Variants in FOXO1 observed in about 807,000 individuals in gnomAD.
The protein encoded by FOXO1 is forkhead box protein O1.
In FOXO1, 6 loss-of-function variants were observed where a neutral mutation model predicts 44.1. The observed-to-expected ratio is 0.14, with a 90% CI of 0.07 to 0.27. The LOEUF is 0.27. FOXO1 is among the 10% of genes least tolerant of loss of function. The pLI is 1.00. For synonymous variants in FOXO1, 380 were observed against 362.7 expected, an observed-to-expected ratio of 1.05 and a Z score of -0.54; for missense variants, 737 against 888.8, an observed-to-expected ratio of 0.83 and a Z score of 2.17.
chr13:40,654,322 TAAAAAA>T (rs11344939), intron 1 of FOXO1, among the ~76,000 whole-genome samples: 9 of 48,198 alleles, frequency 1.9e-4, no homozygotes, highest in East Asian at 9.0e-4. Context: ...CTAAAAATAC[TAAAAAA>T]AAAAAAAAAA....
At chr13:40,577,653 T>C (rs1874809549) in intron 1 of FOXO1, among the ~76,000 whole-genome samples, 1 of 152,216 alleles carries the variant, frequency 6.6e-6, no homozygotes, top group African/African-American at 2.4e-5. Context: ...ACTAGGATCA[T>C]TTTATTCTCC....
intron 1 of FOXO1, among the ~76,000 whole-genome samples, chr13:40,613,603 T>C (rs1429241419): frequency 2.0e-5 from 3 of 152,060 alleles, no homozygotes; most frequent in Admixed American, 6.6e-5. Context: ...GTACAGGGAG[T>C]GTGGCCAAGT....
chr13:40,611,648 G>A (rs1333011336), intron 1 of FOXO1, among the ~76,000 whole-genome samples: 2 of 152,162 alleles, frequency 1.3e-5, no homozygotes, highest in Non-Finnish European at 2.9e-5. Context: ...GCATGATAGG[G>A]AAAGAACACA....
At chr13:40,617,840 T>C (rs954321404) in intron 1 of FOXO1, among the ~76,000 whole-genome samples, 22 of 152,238 alleles carry the variant, frequency 1.4e-4, no homozygotes, top group African/African-American at 5.1e-4. Context: ...GTACATTGTT[T>C]GTAATACAAC....
At chr13:40,643,347 G>GAAAAAAAAAAAAAAAAAAAAAAAAAA (rs71727126) in intron 1 of FOXO1, among the ~76,000 whole-genome samples, 1 of 91,406 alleles carries the variant, frequency 1.1e-5, no homozygotes, top group African/African-American at 4.2e-5. Flanking sequence ...GTCTCAAAAA[G>GAAAAAAAAAAAAAAAAAAAAAAAAAA]AAAAAAAAAA....
At chr13:40,647,105 A>G (rs1877535580) in intron 1 of FOXO1, among the ~76,000 whole-genome samples, 2 of 152,212 alleles carry the variant, frequency 1.3e-5, no homozygotes, top group Non-Finnish European at 2.9e-5. Flanking sequence ...CTACATTAGT[A>G]AAGTATCTGT....
At chr13:40,619,616 G>A in intron 1 of FOXO1, 1 of 1,541,388 alleles carries the variant, frequency 6.5e-7, no homozygotes, top group Non-Finnish European at 8.9e-7. Context: ...AGGTCATCTA[G>A]TCCTGTGGCT....
chr13:40,609,477 A>G (rs1390616529), intron 1 of FOXO1, among the ~76,000 whole-genome samples: 1 of 152,160 alleles, frequency 6.6e-6, no homozygotes, highest in Non-Finnish European at 1.5e-5. Flanking sequence ...AACCATAGAA[A>G]ATACAGGTTT....
intron 1 of FOXO1, among the ~76,000 whole-genome samples, chr13:40,608,009 T>G (rs1876083152): frequency 6.8e-6 from 1 of 147,606 alleles, no homozygotes; most frequent in Admixed American, 6.8e-5. Flanking sequence ...GTAACATGTC[T>G]CTCATGGTGT....
intron 1 of FOXO1, among the ~76,000 whole-genome samples, chr13:40,561,747 T>C (rs1004465625): frequency 6.6e-5 from 10 of 152,044 alleles, no homozygotes; most frequent in Non-Finnish European, 1.0e-4. Context: ...GGCAGGCAGA[T>C]CACCTGAGGT....
At chr13:40,566,140 T>C (rs112025011) in intron 1 of FOXO1, among the ~76,000 whole-genome samples, 5 of 152,274 alleles carry the variant, frequency 3.3e-5, no homozygotes, top group East Asian at 3.9e-4. Flanking sequence ...ACAGCCAGCA[T>C]GTGCAGAGCA....
Position 40,666,091 on chromosome 13 carries a change from C to A in FOXO1, c.122G>T (p.Ser41Ile), listed in dbSNP as rs1279773350. ...EFSQSNSATS[S>I]PAPSGSAAAN... The stretch of plus-strand genomic sequence containing the variant: ...AGCCGCGCTGCCCGACGGCGCCGGG[C>A]TGGAGGTGGCCGAGTTGGACTGGCT... The change falls in exon 1 of 3, where the codon AGC becomes ATC. Residue 41 changes from serine (S) to isoleucine (I), a missense_variant. Physicochemically the swap from Ser to Ile is moderately radical, Grantham distance 142. This residue lies in a region of FOXO1 where 213 missense variants were observed against 236.4 expected (regional missense o/e 0.90). Coordinates refer to ENST00000379561, the MANE Select transcript of FOXO1 (RefSeq NM_002015.4). 7 of 1,385,098 alleles carry A rather than the reference C, an allele frequency of 5.1e-6. No individual in the cohort carries two copies. The highest frequency in any genetic ancestry group is 4.7e-5 in the South Asian group (3 of 64,474). 85.8% of individuals were successfully genotyped at this position (1,385,098 alleles called of 1,614,324 possible). A position where few individuals can be genotyped will look rare whatever the true frequency, so the allele number is the denominator to read the frequency against.
Position 40,560,774 on chromosome 13 carries a change from G to C in FOXO1, c.717C>G (p.Leu239=). The C allele has an allele frequency of 6.2e-7, 1 of 1,613,972 alleles. No homozygotes were observed. Among genetic ancestry groups the C allele is most frequent in the Non-Finnish European group, 8.5e-7 (1 of 1,179,984 alleles). The change falls in exon 2 of 3, where the codon CTC becomes CTG. Residue 239 remains leucine (L), a synonymous_variant. Coordinates refer to ENST00000379561, the MANE Select transcript of FOXO1 (RefSeq NM_002015.4). The surrounding 1 kb of genome is among the most constrained non-coding windows in gnomAD (Gnocchi z 5.1). ...TCCCGCTCTTGCCACCCTCTGGATT[G>C]AGCATCCACCAAGAACTTTTTCCAG... is the stretch of plus-strand genomic sequence containing the variant. ...EGTGKSSWWM[L]NPEGGKSGKS... is the part of the protein sequence containing the mutation.
At chr13:40,598,909 A>AT (rs1311592419) in intron 1 of FOXO1, among the ~76,000 whole-genome samples, 39 of 152,234 alleles carry the variant, frequency 2.6e-4, no homozygotes, top group African/African-American at 9.2e-4. Context: ...TTCCTTAGTC[A>AT]TATGTCTTCC....
At chr13:40,617,484 A>G (rs1303945741) in intron 1 of FOXO1, among the ~76,000 whole-genome samples, 2 of 152,154 alleles carry the variant, frequency 1.3e-5, no homozygotes, top group African/African-American at 4.8e-5. Context: ...GTTTACTACT[A>G]AAAGAGAGAA....
chr13:40,591,509 G>T (rs2137865656), intron 1 of FOXO1, among the ~76,000 whole-genome samples: 1 of 152,274 alleles, frequency 6.6e-6, no homozygotes, highest in East Asian at 1.9e-4. Flanking sequence ...GAAACCTGGT[G>T]CCATACTTAC....
chr13:40,576,783 T>C (rs1874763524), intron 1 of FOXO1, among the ~76,000 whole-genome samples: 1 of 152,222 alleles, frequency 6.6e-6, no homozygotes, highest in Non-Finnish European at 1.5e-5. Flanking sequence ...GCCAGGACCA[T>C]TTGTTTTGAA....
intron 1 of FOXO1, among the ~76,000 whole-genome samples, chr13:40,638,589 G>A (rs1228636936): frequency 6.6e-6 from 1 of 152,114 alleles, no homozygotes; most frequent in Non-Finnish European, 1.5e-5. Flanking sequence ...ACCTGTTAAG[G>A]GGGGAATCAA....
chr13:40,634,139 G>T (rs1877064298), intron 1 of FOXO1, among the ~76,000 whole-genome samples: 1 of 152,134 alleles, frequency 6.6e-6, no homozygotes, highest in African/African-American at 2.4e-5. Flanking sequence ...ATATGACAGG[G>T]TACCAGGACT....
Sources: gnomAD v4.1 joint callset for allele counts (sites outside exome capture counted in the v4.1 genomes callset) on GRCh38, gnomAD v4.1.1 for gene constraint, gnomAD v4.1.1 regional missense constraint, Gnocchi (gnomAD v3.1) non-coding constraint, MANE v1.5 for transcripts, NCBI Gene and HGNC (gene_info 2026-07-23, HGNC 2026-07-21) for gene names.